Variants in PDE1C observed in about 807,000 individuals in gnomAD.
PDE1C encodes dual specificity calcium/calmodulin-dependent 3',5'-cyclic nucleotide phosphodiesterase 1C.
A neutral mutation model predicts 93.1 loss-of-function variants in PDE1C; 62 were observed. The observed-to-expected ratio is 0.67, with a 90% confidence interval of 0.54 to 0.82. The LOEUF (loss-of-function observed/expected upper bound fraction) is 0.82, where lower values mean the gene tolerates loss of function less well. PDE1C is among the 40% of genes least tolerant of loss of function. The probability of loss-of-function intolerance (pLI) is 0.00; values close to 1 mark genes in which losing one functional copy is unlikely to be tolerated. For missense variants in PDE1C, 742 were observed against 884.6 expected (o/e 0.84, Z 2.04); for synonymous variants, 325 against 310.1 (o/e 1.05, Z -0.50).
At chr7:32,273,278 G>C (rs1308325774) in intron 1 of PDE1C, among the ~76,000 whole-genome samples, 2 of 152,186 alleles carry the variant, frequency 1.3e-5, no homozygotes, top group African/African-American at 4.8e-5. Flanking sequence ...CCCTGAACCA[G>C]GGAAATAGGC....
At chr7:32,289,818 C>T (rs74874513) in intron 1 of PDE1C, among the ~76,000 whole-genome samples, 2,001 of 152,264 alleles carry the variant, frequency 0.013, 38 homozygotes, top group African/African-American at 0.045. Flanking sequence ...CTCCCCAAGC[C>T]CGTGGAATCG....
chr7:31,885,630 G>A (rs772268247), intron 2 of PDE1C, among the ~76,000 whole-genome samples: 94 of 152,198 alleles, frequency 6.2e-4, no homozygotes, highest in Non-Finnish European at 1.1e-3. Context: ...TTGGAAGAGG[G>A]GAACTATGTG....
chr7:31,682,671 A>G, the PDE1C span, among the ~76,000 whole-genome samples: 3 of 152,218 alleles, frequency 2.0e-5, no homozygotes, highest in South Asian at 2.1e-4. Context: ...AAAGAAGTAC[A>G]CAATTGTTCA....
chr7:31,880,320 G>A (rs779393414), intron 3 of PDE1C, among the ~76,000 whole-genome samples: 1 of 152,186 alleles, frequency 6.6e-6, no homozygotes, highest in Non-Finnish European at 1.5e-5. Context: ...AATGCTGGGT[G>A]CTTAAGAGAA....
At chr7:31,701,681 T>C in the PDE1C span, among the ~76,000 whole-genome samples, 4 of 152,328 alleles carry the variant, frequency 2.6e-5, no homozygotes, top group East Asian at 7.7e-4. Context: ...TTCACTGTCA[T>C]CTTGAGAGAT....
At chr7:31,904,918 G>A (rs977390326) in intron 2 of PDE1C, among the ~76,000 whole-genome samples, 1 of 151,860 alleles carries the variant, frequency 6.6e-6, no homozygotes, top group Non-Finnish European at 1.5e-5. Flanking sequence ...TAATAAACAT[G>A]GTAAAAAGTA....
intron 2 of PDE1C, among the ~76,000 whole-genome samples, chr7:31,988,543 A>G (rs752806718): frequency 5.3e-5 from 8 of 151,950 alleles, no homozygotes; most frequent in Non-Finnish European, 1.2e-4. Flanking sequence ...GGCCTCTATA[A>G]TTTTTTTTAA....
In PDE1C at chr7:32,231,316, TACAC is replaced by T. The variant is rs146711222; in HGVS notation, c.86-21781_86-21778del. ...GCACAGGATAGAATGCCAACATAAA[TACAC>T]ACACACACGCGCACGTGCACACACA... is the stretch of plus-strand genomic sequence containing the variant. On this transcript the variant is annotated intron_variant, in intron 1 of 18. Coordinates refer to the PDE1C transcript ENST00000396193. Among the ~76,000 whole-genome samples the T allele has an allele frequency of 9.2e-5, 14 of 151,886 alleles. No homozygotes were observed. The South Asian group carries it at 1.0e-3, about 11-fold the overall frequency.
chr7:31,901,526 A>G (rs111874563), intron 2 of PDE1C, among the ~76,000 whole-genome samples: 14 of 151,438 alleles, frequency 9.2e-5, no homozygotes, highest in African/African-American at 2.9e-4. Context: ...TTTTGGATGG[A>G]AAAGCTTACC....
At chr7:31,813,219 A>G (rs1787765470) in intron 15 of PDE1C, among the ~76,000 whole-genome samples, 1 of 152,000 alleles carries the variant, frequency 6.6e-6, no homozygotes, top group Non-Finnish European at 1.5e-5. Context: ...CTCTTTTGAG[A>G]GGAGTGATTA....
chr7:32,086,968 C>T (rs904701529), intron 3 of PDE1C, among the ~76,000 whole-genome samples: 2 of 151,436 alleles, frequency 1.3e-5, no homozygotes, highest in African/African-American at 4.9e-5. Flanking sequence ...TCTAAAACAC[C>T]AAAAGCAATG....
intron 1 of PDE1C, among the ~76,000 whole-genome samples, chr7:32,063,441 T>C (rs1201167821): frequency 6.6e-6 from 1 of 152,212 alleles, no homozygotes; most frequent in East Asian, 1.9e-4. Flanking sequence ...GAGATGGTAA[T>C]GCAGAAACCT....
chr7:31,695,412 T>C, the PDE1C span: 27 of 1,503,216 alleles, frequency 1.8e-5, no homozygotes, highest in Non-Finnish European at 2.4e-5. Context: ...AAACAGTTTG[T>C]GACTGGATCC....
chr7:32,249,046 T>C (rs535949733), intron 1 of PDE1C, among the ~76,000 whole-genome samples: 20 of 151,922 alleles, frequency 1.3e-4, no homozygotes, highest in Non-Finnish European at 2.9e-4. Context: ...GAAGTCAAAA[T>C]CCAGGACCAC....
intron 2 of PDE1C, among the ~76,000 whole-genome samples, chr7:32,188,366 C>T (rs10263213): frequency 6.6e-6 from 1 of 151,792 alleles, no homozygotes; most frequent in African/African-American, 2.4e-5. Flanking sequence ...AGCATACATA[C>T]GATTCATTTA....
At chr7:31,743,284 G>T in the PDE1C span, among the ~76,000 whole-genome samples, 1,570 of 152,102 alleles carry the variant, frequency 0.01, 33 homozygotes, top group African/African-American at 0.036. Context: ...CTCATCTTAT[G>T]CCAGCCTCCT....
chr7:31,723,827 T>C, the PDE1C span, among the ~76,000 whole-genome samples: 1 of 152,220 alleles, frequency 6.6e-6, no homozygotes, highest in South Asian at 2.1e-4. Context: ...CATCCTGGCC[T>C]CTCTGGCTGT....
intron 1 of PDE1C, among the ~76,000 whole-genome samples, chr7:32,316,474 G>A (rs577708989): frequency 7.2e-5 from 11 of 152,080 alleles, no homozygotes; most frequent in Non-Finnish European, 1.2e-4. Context: ...CTTGTATATC[G>A]GTACTTTATT....
At chr7:32,253,026 T>C (rs1809505086) in intron 1 of PDE1C, among the ~76,000 whole-genome samples, 2 of 152,082 alleles carry the variant, frequency 1.3e-5, no homozygotes, top group Admixed American at 6.5e-5. Flanking sequence ...GTGTAGCAAA[T>C]TCAGAGTTGT....
Sources: allele counts gnomAD v4.1 joint callset (sites outside exome capture counted in the v4.1 genomes callset), GRCh38; gene constraint gnomAD v4.1.1; transcripts MANE v1.5; gene names NCBI Gene and HGNC (gene_info 2026-07-23, HGNC 2026-07-21).